The following MROH9 variants were observed in gnomAD, a reference collection of about 807,000 sequenced individuals.
MROH9 encodes maestro heat-like repeat-containing protein family member 9.
Under a neutral mutation model 98.2 loss-of-function variants are expected in MROH9, and 92 were observed. The ratio of observed to expected loss-of-function variants is 0.94; its 90% CI spans 0.79 to 1.11. The LOEUF is 1.11. Among genes scored for constraint, MROH9 ranks in the 50% most tolerant of loss-of-function variants. The probability of loss-of-function intolerance (pLI) is 0.00; values close to 1 mark genes in which losing one functional copy is unlikely to be tolerated. For missense variants in MROH9, 1,057 were observed against 1,014.8 expected (o/e 1.04, Z -0.57); for synonymous variants, 397 against 368.9 (o/e 1.08, Z -0.87).
intron 7 of MROH9, among the ~76,000 whole-genome samples, chr1:170,969,088 T>C (rs958440176): frequency 6.6e-6 from 1 of 152,216 alleles, no homozygotes; most frequent in Non-Finnish European, 1.5e-5. Context: ...CTTAGGTATA[T>C]ACCTAAAAGA....
At chr1:170,945,443 C>T (rs984032383) in intron 1 of MROH9, 77 bp from the exon 2 acceptor site, 4 of 884,580 alleles carry the variant, frequency 4.5e-6, no homozygotes, top group Admixed American at 1.9e-5. Flanking sequence ...TATCATAGTA[C>T]CATCCATATT....
At chr1:171,027,608 T>C (rs1482705124) in intron 20 of MROH9, among the ~76,000 whole-genome samples, 10 of 152,242 alleles carry the variant, frequency 6.6e-5, no homozygotes, top group Admixed American at 3.3e-4. Context: ...TTTCTGGTCC[T>C]AGATCCTTGA....
rs546065073 is a variant in MROH9 at position 171,064,257 on chromosome 1, C to T, written c.2503C>T (p.Pro835Ser). 5 of 1,551,302 alleles carry T rather than the reference C, an allele frequency of 3.2e-6. No individual in the cohort carries two copies. Among genetic ancestry groups the T allele is most frequent in the Non-Finnish European group, 4.4e-6 (5 of 1,146,860 alleles). Residue 835 changes from proline (P) to serine (S), a missense_variant, in exon 22 of 22, where the codon CCT becomes TCT. Transcript: ENST00000367759. Reference sequence around the variant, plus strand: ...ATTATTCTACATCAAAAAATTGAAGCCTCTTTACAATTATAACTCACCCAA... The same window carrying T: ...ATTATTCTACATCAAAAAATTGAAGTCTCTTTACAATTATAACTCACCCAA... Reference protein sequence around the residue: ...LKLFYIKKLKPLYNYNSPNGQ... With the variant: ...LKLFYIKKLKSLYNYNSPNGQ...
chr1:170,991,781 C>T (rs1253054806), intron 11 of MROH9, among the ~76,000 whole-genome samples: 1 of 151,596 alleles, frequency 6.6e-6, no homozygotes, highest in Non-Finnish European at 1.5e-5. Context: ...AATTTATATT[C>T]CCATGCCAGT....
intron 17 of MROH9, among the ~76,000 whole-genome samples, chr1:171,017,175 C>T (rs995032411): frequency 3.3e-5 from 5 of 152,206 alleles, no homozygotes; most frequent in African/African-American, 1.2e-4. Flanking sequence ...GAAGCAGCAG[C>T]ATCCGGAAGC....
chr1:170,936,017 A>G (rs890358807), intron 1 of MROH9, among the ~76,000 whole-genome samples: 13 of 151,034 alleles, frequency 8.6e-5, no homozygotes, highest in African/African-American at 3.2e-4. Context: ...AAGAAAAGAA[A>G]AAGAAAATTA....
intron 5 of MROH9, 71 bp downstream of exon 5, chr1:170,959,668 C>A: frequency 7.0e-7 from 1 of 1,431,148 alleles, no homozygotes; most frequent in Non-Finnish European, 9.5e-7. Context: ...GAATGTGACT[C>A]AGCAGGTGAT....
chr1:171,036,151 A>T (rs1432311244), intron 20 of MROH9, among the ~76,000 whole-genome samples: 1 of 152,136 alleles, frequency 6.6e-6, no homozygotes. Flanking sequence ...AATTCCATTG[A>T]TATAAAACAC....
chr1:170,972,985 G>T (rs1431876861), intron 8 of MROH9, among the ~76,000 whole-genome samples: 1 of 151,850 alleles, frequency 6.6e-6, no homozygotes, highest in South Asian at 2.1e-4. Flanking sequence ...ATTTCTAAGA[G>T]CCAACACAAA....
At chr1:170,992,406 C>T in intron 12 of MROH9, 77 bp downstream of exon 12, 1 of 1,443,420 alleles carries the variant, frequency 6.9e-7, no homozygotes, top group South Asian at 1.3e-5. Context: ...CCCACAGACT[C>T]AATCATACTT....
At chr1:170,982,329 A>T (rs149403982) in intron 8 of MROH9, among the ~76,000 whole-genome samples, 1 of 152,258 alleles carries the variant, frequency 6.6e-6, no homozygotes, top group Non-Finnish European at 1.5e-5. Context: ...TGCTGAGTGA[A>T]AGAAGCCAAT....
At chr1:170,970,532 A>G (rs2101783134) in intron 7 of MROH9, among the ~76,000 whole-genome samples, 1 of 152,144 alleles carries the variant, frequency 6.6e-6, no homozygotes, top group East Asian at 1.9e-4. Flanking sequence ...GGACCAGGCC[A>G]CTCTTTGTAC....
At chr1:170,994,502 T>C (rs1326081138) in intron 12 of MROH9, among the ~76,000 whole-genome samples, 1 of 152,176 alleles carries the variant, frequency 6.6e-6, no homozygotes, top group Non-Finnish European at 1.5e-5. Flanking sequence ...TAGGTGTATA[T>C]ATTTATGGGG....
chr1:170,967,795 A>G (rs1650289500), intron 7 of MROH9, among the ~76,000 whole-genome samples: 1 of 152,188 alleles, frequency 6.6e-6, no homozygotes, highest in South Asian at 2.1e-4. Context: ...TCAACAGGCA[A>G]AGAAATGTAA....
chr1:170,956,582 CTTTTT>C (rs869218785), intron 3 of MROH9, among the ~76,000 whole-genome samples: 30 of 114,934 alleles, frequency 2.6e-4, no homozygotes, highest in Middle Eastern at 5.0e-3. Flanking sequence ...TTTCTCTTTC[CTTTTT>C]TTTTTTTGTT....
chr1:171,025,351 A>T lies in MROH9; in HGVS notation c.2212A>T (p.Thr738Ser). ...TCATAGGAACTACATTACAGATTTG[A>T]CATCTGATACCTTACGATTCCTGTG... The part of the protein sequence containing the change: ...ISHRNYITDL[T>S]SDTLRFLWSP... Residue 738 changes from threonine (T) to serine (S), a missense_variant, in exon 20 of 22, where the codon ACA (threonine) becomes TCA (serine). Thr to Ser is a moderately conservative substitution (Grantham distance 58, BLOSUM62 1). Transcript: ENST00000367759. 1 of 1,550,118 alleles carries T rather than the reference A, an allele frequency of 6.5e-7. No homozygotes were observed. The highest frequency in any genetic ancestry group is 8.7e-7 in the Non-Finnish European group (1 of 1,145,738).
At chr1:171,046,637 G>A (rs1653481166) in intron 20 of MROH9, among the ~76,000 whole-genome samples, 1 of 152,070 alleles carries the variant, frequency 6.6e-6, no homozygotes, top group Admixed American at 6.6e-5. Flanking sequence ...AAAAGTTGTA[G>A]TTATTATTAT....
rs759126877 is a variant in MROH9, at chr1:171,055,896, G to C, written c.2282-6236G>C. On this transcript the variant is annotated intron_variant, in intron 20 of 21. Transcript: ENST00000367759. ...AGCAGTGTGGTGTGGTGGCCCATCTGGGAGCCAGACGAGCAGAGGAGCCCC... is the reference window on the plus strand; with the variant it reads ...AGCAGTGTGGTGTGGTGGCCCATCTCGGAGCCAGACGAGCAGAGGAGCCCC... 5.3e-5 allele frequency among the ~76,000 whole-genome samples: 8 copies of C among 152,286 alleles called. No individual in the cohort carries two copies. The East Asian group carries it at 5.8e-4, about 11-fold the overall frequency.
At chr1:170,983,279 A>T in intron 8 of MROH9, 143 bp from the exon 9 acceptor site, 1 of 596,168 alleles carries the variant, frequency 1.7e-6, no homozygotes. Context: ...ATTTTATGAG[A>T]CTAAACTATG....
Sources: allele counts gnomAD v4.1 joint callset (sites outside exome capture counted in the v4.1 genomes callset), GRCh38; gene constraint gnomAD v4.1.1; transcripts MANE v1.5; gene names NCBI Gene and HGNC (gene_info 2026-07-23, HGNC 2026-07-21).